TBK1: variants seen among roughly 807,000 people sequenced by gnomAD.
TBK1 encodes TANK binding kinase 1.
TBK1 carries 37 observed loss-of-function variants against 99.9 expected under a neutral mutation model. That is an observed-to-expected ratio of 0.37 (90% CI 0.28 to 0.49). The LOEUF is 0.49. Among genes scored for constraint, TBK1 ranks in the 20% least tolerant of loss-of-function variants. TBK1 has a pLI of 0.98. For synonymous variants in TBK1, 258 were observed against 279.8 expected, an observed-to-expected ratio of 0.92 and a Z score of 0.78; for missense variants, 644 against 872.5, an observed-to-expected ratio of 0.74 and a Z score of 3.30.
rs967901338 is a variant in TBK1, at chr12:64,487,044, C to A, written c.1340+1027C>A. Among the ~76,000 whole-genome samples the A allele has an allele frequency of 6.6e-5, 10 of 152,218 alleles. No homozygotes were observed. In the South Asian group the frequency reaches 2.1e-3, roughly 32 times the overall value. On this transcript the variant is annotated intron_variant, in intron 11 of 20. Transcript: ENST00000331710. ...ATCGCTTAATATAGTTATTCTAGTT[C>A]AGAATAACTGGTTATCTAGTTTAAG...
chr12:64,456,078 T>A, intron 2 of TBK1, 121 bp downstream of exon 2: 2 of 763,068 alleles, frequency 2.6e-6, no homozygotes, highest in South Asian at 1.9e-5. Flanking sequence ...GAAATTGTTT[T>A]AATGATTTTC....
At chr12:64,485,422 T>C in intron 9 of TBK1, 33 bp from the exon 10 acceptor site, 1 of 1,232,732 alleles carries the variant, frequency 8.1e-7, no homozygotes, top group South Asian at 1.4e-5. Context: ...TCAAAAAGTT[T>C]TCTTTCTCAT....
At chr12:64,456,711 G>T (rs899867647) in intron 2 of TBK1, among the ~76,000 whole-genome samples, 1 of 151,830 alleles carries the variant, frequency 6.6e-6, no homozygotes, top group East Asian at 1.9e-4. Flanking sequence ...GCGTGGTGGC[G>T]GGCGCCTGTA....
chr12:64,488,683 C>A (rs1429493072), intron 12 of TBK1, 95 bp downstream of exon 12: 3 of 897,672 alleles, frequency 3.3e-6, no homozygotes, highest in Non-Finnish European at 5.1e-6. Flanking sequence ...ATATGGCATG[C>A]TATGCTAGGG....
intron 5 of TBK1, among the ~76,000 whole-genome samples, chr12:64,471,454 G>A (rs938896859): frequency 2.0e-5 from 3 of 152,118 alleles, no homozygotes; most frequent in Admixed American, 1.3e-4. Flanking sequence ...CTGGATTCAA[G>A]CAATTCTCCT....
intron 17 of TBK1, 36 bp downstream of exon 17, chr12:64,497,086 C>A: frequency 6.3e-7 from 1 of 1,587,502 alleles, no homozygotes; most frequent in Non-Finnish European, 8.6e-7. Flanking sequence ...TAGTGGTTGA[C>A]TGCACAATAT....
intron 3 of TBK1, among the ~76,000 whole-genome samples, chr12:64,463,824 C>T (rs2040574480): frequency 6.6e-6 from 1 of 150,896 alleles, no homozygotes; most frequent in South Asian, 2.1e-4. Context: ...ACAAATCCAA[C>T]TTCTTCACCT....
chr12:64,461,646 C>T (rs1565812645), intron 3 of TBK1, among the ~76,000 whole-genome samples: 1 of 152,174 alleles, frequency 6.6e-6, no homozygotes, highest in Non-Finnish European at 1.5e-5. Flanking sequence ...CAAGTCTGCT[C>T]AAGACTTTTG....
chr12:64,495,815 CTT>C (rs1394496544), intron 15 of TBK1, 40 bp downstream of exon 15: 2 of 1,428,342 alleles, frequency 1.4e-6, no homozygotes, highest in Non-Finnish European at 1.9e-6. Flanking sequence ...ATAAATCCCT[CTT>C]AGTAATTAGT....
At chr12:64,457,230 G>C (rs2040499440) in intron 2 of TBK1, among the ~76,000 whole-genome samples, 1 of 152,164 alleles carries the variant, frequency 6.6e-6, no homozygotes, top group African/African-American at 2.4e-5. Flanking sequence ...CCTCTGGGGA[G>C]AGAATATTGA....
chr12:64,483,502 T>C (rs1026676538), intron 8 of TBK1, among the ~76,000 whole-genome samples: 3 of 152,234 alleles, frequency 2.0e-5, no homozygotes, highest in African/African-American at 7.2e-5. Context: ...TTCTTGGTTC[T>C]TTACATATTT....
At chr12:64,454,910 C>G (rs1485264326) in intron 1 of TBK1, among the ~76,000 whole-genome samples, 1 of 151,500 alleles carries the variant, frequency 6.6e-6, no homozygotes, top group East Asian at 1.9e-4. Context: ...ATCTCCTGAC[C>G]TCGTGATCCG....
Position 64,484,401 on chromosome 12 carries a change from G to A in TBK1, c.1091G>A (p.Gly364Glu), listed in dbSNP as rs748571947. ...YEGRRLVLEP[G>E]RLAQHFPKTT... The stretch of plus-strand genomic sequence containing the variant: ...GGGCGACGCTTAGTCTTAGAACCTG[G>A]AAGGCTGGCACAACATTTCCCTAAA... The change falls in exon 9 of 21, where the codon GGA (glycine) becomes GAA (glutamate). Residue 364 changes from glycine (G) to glutamate (E), a missense_variant. Transcript: ENST00000331710. The A allele has an allele frequency of 1.2e-5, 19 of 1,614,098 alleles. No individual in the cohort carries two copies. In the South Asian group the frequency reaches 1.9e-4, roughly 16 times the overall value.
At chr12:64,462,786 T>C (rs1185573890) in intron 3 of TBK1, among the ~76,000 whole-genome samples, 1 of 152,238 alleles carries the variant, frequency 6.6e-6, no homozygotes, top group Non-Finnish European at 1.5e-5. Context: ...ATGCATCTTA[T>C]AATCATTGTG....
intron 4 of TBK1, among the ~76,000 whole-genome samples, chr12:64,465,580 A>G (rs1038882825): frequency 6.6e-6 from 1 of 152,200 alleles, no homozygotes; most frequent in Admixed American, 6.5e-5. Context: ...TGTCTATACA[A>G]TGGAATATTG....
intron 6 of TBK1, among the ~76,000 whole-genome samples, chr12:64,475,385 T>C (rs1162677996): frequency 6.6e-6 from 1 of 152,126 alleles, no homozygotes; most frequent in African/African-American, 2.4e-5. Context: ...ATAGTGAACG[T>C]GGTACCGAAT....
rs533566653 is a variant in TBK1, at chr12:64,490,022, C to T, written c.1443-19C>T. 3.6e-5 allele frequency: 56 copies of T among 1,562,052 alleles called. No individual in the cohort carries two copies. In the South Asian group the frequency reaches 6.2e-4, roughly 17 times the overall value. ...ATTGATTATACTCATTTAATTTTCT[C>T]TTTTGACTTTTCATACAGATATGAA... is the stretch of plus-strand genomic sequence containing the variant. On this transcript the variant is annotated intron_variant, in intron 12 of 20. Transcript: ENST00000331710.
intron 20 of TBK1, among the ~76,000 whole-genome samples, chr12:64,501,004 C>G (rs1436637923): frequency 6.6e-6 from 1 of 152,140 alleles, no homozygotes; most frequent in Non-Finnish European, 1.5e-5. Flanking sequence ...AGTGATCTGC[C>G]TGCCTCGGCC....
At chr12:64,454,376 A>T (rs978909430) in intron 1 of TBK1, among the ~76,000 whole-genome samples, 1 of 151,952 alleles carries the variant, frequency 6.6e-6, no homozygotes, top group Admixed American at 6.6e-5. Context: ...CCTCCCGAGT[A>T]GCTGGGATTA....
Sources: gnomAD v4.1 joint callset for allele counts (sites outside exome capture counted in the v4.1 genomes callset) on GRCh38, gnomAD v4.1.1 for gene constraint, MANE v1.5 for transcripts, NCBI Gene and HGNC (gene_info 2026-07-23, HGNC 2026-07-21) for gene names.